DSCAM: variants seen among roughly 807,000 people sequenced by gnomAD.
DSCAM encodes the protein cell adhesion molecule DSCAM.
Under a neutral mutation model 217.7 loss-of-function variants are expected in DSCAM, and 47 were observed. The ratio of observed to expected loss-of-function variants is 0.22; its 90% confidence interval spans 0.17 to 0.28. DSCAM has a LOEUF of 0.28. DSCAM is among the 10% of genes least tolerant of loss of function. The pLI is 1.00. For missense variants in DSCAM, 2,080 were observed against 2,618.3 expected (o/e 0.79, Z 4.49); for synonymous variants, 1,056 against 1,015.3 (o/e 1.04, Z -0.76).
At chr21:40,364,268 G>A (rs1291443692) in intron 4 of DSCAM, among the ~76,000 whole-genome samples, 3 of 152,032 alleles carry the variant, frequency 2.0e-5, no homozygotes, top group African/African-American at 7.2e-5. Context: ...GCAAAGACTT[G>A]GAACCAACCC....
chr21:40,681,391 C>T (rs897748844), intron 3 of DSCAM, among the ~76,000 whole-genome samples: 14 of 151,980 alleles, frequency 9.2e-5, no homozygotes, highest in African/African-American at 2.2e-4. Flanking sequence ...CTGGCGCCGC[C>T]GGGGACAGGG....
chr21:40,639,786 A>T lies in DSCAM; in HGVS notation c.508+53024T>A, dbSNP rs889762712. 5.3e-5 allele frequency among the ~76,000 whole-genome samples: 8 copies of T among 152,154 alleles called. No homozygotes were observed. In the South Asian group the frequency reaches 6.2e-4, roughly 12 times the overall value. ...CCCAGGAGAAATAAAAGCCATCACA[A>T]TTCACAACTGGCCTGCATTGAAGCA... On this transcript the variant is annotated intron_variant, in intron 3 of 32. Transcript: ENST00000400454.
intron 3 of DSCAM, among the ~76,000 whole-genome samples, chr21:40,511,208 G>C (rs569646634): frequency 1.3e-5 from 2 of 152,246 alleles, no homozygotes; most frequent in East Asian, 1.9e-4. Flanking sequence ...TTTGAGAAAA[G>C]AGGAAAGCAG....
intron 10 of DSCAM, among the ~76,000 whole-genome samples, chr21:40,277,924 T>C (rs750341688): frequency 6.6e-6 from 1 of 150,650 alleles, no homozygotes; most frequent in Non-Finnish European, 1.5e-5. Context: ...CGAATGTAGA[T>C]TGATAAGAAT....
At chr21:40,737,670 T>C (rs544114382) in intron 1 of DSCAM, among the ~76,000 whole-genome samples, 1 of 152,266 alleles carries the variant, frequency 6.6e-6, no homozygotes, top group Non-Finnish European at 1.5e-5. Flanking sequence ...TCTGGGTTCA[T>C]GTGTCATGAC....
intron 1 of DSCAM, among the ~76,000 whole-genome samples, chr21:40,726,673 T>G (rs1011622424): frequency 2.1e-4 from 32 of 152,046 alleles, no homozygotes; most frequent in African/African-American, 7.2e-4. Flanking sequence ...GCCTTCCAAG[T>G]GGACGCAGCA....
chr21:40,016,860 A>C lies in DSCAM; in HGVS notation c.5687-3474T>G, dbSNP rs931848689. 1.3e-5 allele frequency among the ~76,000 whole-genome samples: 2 copies of C among 152,212 alleles called. No homozygotes were observed. The highest frequency in any genetic ancestry group is 1.3e-4 in the Admixed American group (2 of 15,272). On this transcript the variant is annotated intron_variant, in intron 32 of 32. Coordinates refer to ENST00000400454, the MANE Select transcript of DSCAM (RefSeq NM_001389.5). The surrounding 1 kb of genome is among the most constrained non-coding windows in gnomAD (Gnocchi z 4.3). ...AAGAGTATAAGAGAACTGGCCTGTAATCCCCGCCCACTTTGGGAGGCCTAG... is the reference window on the plus strand; with the variant it reads ...AAGAGTATAAGAGAACTGGCCTGTACTCCCCGCCCACTTTGGGAGGCCTAG...
chr21:40,084,031 A>C lies in DSCAM; in HGVS notation c.4133-25T>G, dbSNP rs576968073. On this transcript the variant is annotated intron_variant, in intron 23 of 32. Coordinates refer to ENST00000400454, the MANE Select transcript of DSCAM (RefSeq NM_001389.5). ...ACTGGAGAGGAAACAGTTTTTAGAA[A>C]ACAAGAATTAGTTTTTCACATCTTT... is the stretch of plus-strand genomic sequence containing the variant. 6 of 1,581,000 alleles carry C rather than the reference A, an allele frequency of 3.8e-6. No homozygotes were observed. In the African/African-American group the frequency reaches 8.1e-5, roughly 21 times the overall value.
At chr21:40,254,501 T>C (rs1279593338) in intron 11 of DSCAM, among the ~76,000 whole-genome samples, 3 of 152,352 alleles carry the variant, frequency 2.0e-5, no homozygotes, top group South Asian at 4.1e-4. Context: ...CTGATGCTTA[T>C]AGTCATGAGC....
At chr21:40,715,504 AG>A (rs1218036381) in intron 1 of DSCAM, among the ~76,000 whole-genome samples, 1 of 152,224 alleles carries the variant, frequency 6.6e-6, no homozygotes, top group East Asian at 1.9e-4. Flanking sequence ...GAAGAGAGGC[AG>A]GGGTGTTCAT....
chr21:40,266,635 TTATATA>T lies in DSCAM; in HGVS notation c.2356+9456_2356+9461del, dbSNP rs71186923. On this transcript the variant is annotated intron_variant, in intron 11 of 32. Transcript: ENST00000400454. Reference sequence around the variant, plus strand: ...TAACTGATGAATGGACAAAGATGTTTTATATATATATATATATATATATATATATAT... The same window carrying T: ...TAACTGATGAATGGACAAAGATGTTTTATATATATATATATATATATATAT... Among the ~76,000 whole-genome samples, 212 of 62,640 alleles carry T rather than the reference TTATATA, an allele frequency of 3.4e-3. 2 individuals are homozygous for T. Among genetic ancestry groups the T allele is most frequent in the South Asian group, 4.8e-3 (6 of 1,244 alleles). 41.1% of individuals were successfully genotyped at this position (62,640 alleles called of 152,430 possible).
At chr21:40,526,420 G>A (rs1172853157) in intron 3 of DSCAM, among the ~76,000 whole-genome samples, 2 of 152,130 alleles carry the variant, frequency 1.3e-5, no homozygotes, top group African/African-American at 4.8e-5. Flanking sequence ...GGAGAAGGGG[G>A]TGAAGGCTAC....
intron 18 of DSCAM, among the ~76,000 whole-genome samples, chr21:40,137,495 A>G (rs1345459023): frequency 6.6e-6 from 1 of 152,082 alleles, no homozygotes; most frequent in Admixed American, 6.5e-5. Flanking sequence ...AAAGCCAGAT[A>G]CAAAACTGAG....
chr21:40,415,714 G>C (rs1205724617), intron 3 of DSCAM, among the ~76,000 whole-genome samples: 1 of 152,126 alleles, frequency 6.6e-6, no homozygotes, highest in African/African-American at 2.4e-5. Context: ...TAATTGCTGT[G>C]AGGCACCATT....
chr21:40,175,293 T>C (rs1039842142), intron 15 of DSCAM, among the ~76,000 whole-genome samples: 1 of 152,080 alleles, frequency 6.6e-6, no homozygotes, highest in East Asian at 1.9e-4. Flanking sequence ...TTTGTATTTT[T>C]AGTAGAGACG....
chr21:40,755,435 G>A (rs2091265808), intron 1 of DSCAM, among the ~76,000 whole-genome samples: 1 of 149,314 alleles, frequency 6.7e-6, no homozygotes, highest in Non-Finnish European at 1.5e-5. Context: ...GACATAAAAA[G>A]GCTCTGTCCC....
chr21:40,575,306 C>A (rs1369882387), intron 3 of DSCAM, among the ~76,000 whole-genome samples: 1 of 151,710 alleles, frequency 6.6e-6, no homozygotes, highest in Non-Finnish European at 1.5e-5. Flanking sequence ...CATCTCTGTT[C>A]GCTGACTCTT....
chr21:40,029,172 A>C (rs1356577727), intron 32 of DSCAM, among the ~76,000 whole-genome samples: 1 of 15,214 alleles, frequency 6.6e-5, no homozygotes, highest in Non-Finnish European at 1.5e-4. Context: ...TTCAGGTAGC[A>C]TTTTGAGCCA....
rs529735263 is a variant in DSCAM, at chr21:40,766,349, T to TTTTTTTCC, written c.44-57579_44-57578insGGAAAAAA. On this transcript the variant is annotated intron_variant, in intron 1 of 32. Transcript: ENST00000400454. Reference sequence around the variant, plus strand: ...TATGTGTGTATATATATATATATTTTCAAAGGATTAAATACATATCCTTAA... The same window carrying TTTTTTTCC: ...TATGTGTGTATATATATATATATTTTTTTTTTCCCAAAGGATTAAATACATATCCTTAA... Among the ~76,000 whole-genome samples, 166 of 152,212 alleles carry TTTTTTTCC rather than the reference T, an allele frequency of 1.1e-3. 1 individual carries two copies. The highest frequency in any genetic ancestry group is 3.7e-3 in the African/African-American group (153 of 41,516).
Sources: allele counts gnomAD v4.1 joint callset (sites outside exome capture counted in the v4.1 genomes callset), GRCh38; gene constraint gnomAD v4.1.1; non-coding constraint Gnocchi (gnomAD v3.1); transcripts MANE v1.5; gene names NCBI Gene and HGNC (gene_info 2026-07-23, HGNC 2026-07-21).